The following UNC13C variants were observed in gnomAD, a reference collection of about 807,000 sequenced individuals.
UNC13C encodes unc-13 homolog C.
In UNC13C, 174 loss-of-function variants were observed where a neutral mutation model predicts 245.4. That is an observed-to-expected ratio of 0.71 (90% CI 0.63 to 0.80). The LOEUF is 0.80. Ranked by LOEUF, UNC13C falls within the 30% of genes least tolerant of loss-of-function variation. UNC13C has a pLI of 0.00. For synonymous variants in UNC13C, 992 were observed against 895.1 expected (o/e 1.11, Z -1.93); for missense variants, 2,829 against 2,602.9 (o/e 1.09, Z -1.89).
At chr15:54,597,364 G>C (rs1371362532) in intron 30 of UNC13C, among the ~76,000 whole-genome samples, 1 of 152,154 alleles carries the variant, frequency 6.6e-6, no homozygotes, top group Non-Finnish European at 1.5e-5. Flanking sequence ...TTAGGAGATA[G>C]CTTAACACCT....
At chr15:53,867,929 C>T in the UNC13C span, among the ~76,000 whole-genome samples, 1 of 152,156 alleles carries the variant, frequency 6.6e-6, no homozygotes, top group Admixed American at 6.5e-5. Flanking sequence ...CTCCCAGGCT[C>T]AGGCAATTCC....
the UNC13C span, among the ~76,000 whole-genome samples, chr15:53,932,904 C>T: frequency 6.6e-6 from 1 of 152,152 alleles, no homozygotes; most frequent in South Asian, 2.1e-4. Flanking sequence ...ATTAAACATG[C>T]CAAAAGAGGA....
chr15:54,559,849 G>A (rs1373910314), intron 29 of UNC13C, among the ~76,000 whole-genome samples: 2 of 151,936 alleles, frequency 1.3e-5, no homozygotes, highest in African/African-American at 4.8e-5. Context: ...GATCATGACT[G>A]GCTGAGTATC....
chr15:54,496,959 A>T (rs1169650295), intron 20 of UNC13C, among the ~76,000 whole-genome samples: 1 of 152,032 alleles, frequency 6.6e-6, no homozygotes, highest in Admixed American at 6.6e-5. Flanking sequence ...TCCCCTCAAA[A>T]CCTATTGAAA....
intron 2 of UNC13C, chr15:54,050,817 C>T (rs1209337577): frequency 6.8e-6 from 4 of 589,144 alleles, no homozygotes; most frequent in South Asian, 1.4e-5. Flanking sequence ...GTAGTCCAGC[C>T]TACACAGCTT....
intron 2 of UNC13C, among the ~76,000 whole-genome samples, chr15:54,139,060 A>G (rs2031885737): frequency 7.1e-6 from 1 of 139,962 alleles, no homozygotes; most frequent in East Asian, 2.3e-4. Flanking sequence ...CCTGTGTTCA[A>G]GCGATTCTTG....
chr15:54,184,429 C>A (rs1407871250), intron 4 of UNC13C, among the ~76,000 whole-genome samples: 1 of 152,078 alleles, frequency 6.6e-6, no homozygotes, highest in Admixed American at 6.6e-5. Context: ...TCCCCCACCC[C>A]ACAACAGTCC....
chr15:54,432,089 G>A (rs1210204204), intron 19 of UNC13C, among the ~76,000 whole-genome samples: 1 of 151,368 alleles, frequency 6.6e-6, no homozygotes. Context: ...CCACAAAAAT[G>A]TTACTCATTT....
chr15:54,553,671 G>A (rs1259961970), intron 28 of UNC13C, among the ~76,000 whole-genome samples: 3 of 150,402 alleles, frequency 2.0e-5, no homozygotes, highest in Non-Finnish European at 1.5e-5. Context: ...TTTTTACTTG[G>A]GCAATAACTC....
intron 1 of UNC13C, among the ~76,000 whole-genome samples, chr15:54,000,376 ATTC>A (rs1473634698): frequency 6.6e-6 from 1 of 152,146 alleles, no homozygotes; most frequent in African/African-American, 2.4e-5. Flanking sequence ...CATTGTAACT[ATTC>A]TTGGAATCAA....
At chr15:54,156,391 AT>A (rs2032746534) in intron 4 of UNC13C, among the ~76,000 whole-genome samples, 1 of 152,198 alleles carries the variant, frequency 6.6e-6, no homozygotes, top group South Asian at 2.1e-4. Context: ...ACTGCTGAGA[AT>A]CATCTGTATA....
At chr15:54,290,579 T>G (rs538125447) in intron 10 of UNC13C, among the ~76,000 whole-genome samples, 1 of 152,070 alleles carries the variant, frequency 6.6e-6, no homozygotes, top group Admixed American at 6.6e-5. Context: ...TGTCTCTCCC[T>G]CCTTTTTCTA....
intron 4 of UNC13C, among the ~76,000 whole-genome samples, chr15:54,207,219 G>A (rs1318235799): frequency 6.6e-6 from 1 of 152,002 alleles, no homozygotes; most frequent in African/African-American, 2.4e-5. Flanking sequence ...TCCTGATGTG[G>A]CAGTGTTGGG....
At chr15:53,920,444 C>G in the UNC13C span, among the ~76,000 whole-genome samples, 3 of 152,114 alleles carry the variant, frequency 2.0e-5, no homozygotes, top group East Asian at 3.9e-4. Flanking sequence ...ATCTCAGCTA[C>G]TTGGCAGGCT....
intron 18 of UNC13C, among the ~76,000 whole-genome samples, chr15:54,395,887 T>C (rs893819370): frequency 5.3e-5 from 8 of 151,810 alleles, no homozygotes; most frequent in Non-Finnish European, 1.2e-4. Context: ...ATGTAGTCAG[T>C]GTTTGTTCTG....
the UNC13C span, among the ~76,000 whole-genome samples, chr15:53,918,272 T>G: frequency 6.7e-6 from 1 of 149,118 alleles, no homozygotes; most frequent in South Asian, 2.2e-4. Flanking sequence ...CAGGCTAAGC[T>G]GCAGCTCCAG....
chr15:54,149,168 G>T (rs1470180527), intron 4 of UNC13C, among the ~76,000 whole-genome samples: 1 of 152,080 alleles, frequency 6.6e-6, no homozygotes, highest in Non-Finnish European at 1.5e-5. Flanking sequence ...GCTTCTACCA[G>T]GATTTTACAT....
chr15:54,004,099 A>T (rs1446251712), intron 1 of UNC13C, among the ~76,000 whole-genome samples: 1 of 152,102 alleles, frequency 6.6e-6, no homozygotes, highest in Non-Finnish European at 1.5e-5. Context: ...CAAATATTAG[A>T]TTGTATTCAT....
At chr15:54,374,014 C>T (rs2039551385) in intron 17 of UNC13C, among the ~76,000 whole-genome samples, 3 of 152,154 alleles carry the variant, frequency 2.0e-5, no homozygotes, top group Admixed American at 6.5e-5. Flanking sequence ...CTCCTATCAT[C>T]AGGCAGGTCA....
Sources: gnomAD v4.1 joint callset for allele counts (sites outside exome capture counted in the v4.1 genomes callset) on GRCh38, gnomAD v4.1.1 for gene constraint, MANE v1.5 for transcripts, NCBI Gene and HGNC (gene_info 2026-07-23, HGNC 2026-07-21) for gene names.